Variants in ZNF385B observed in about 807,000 individuals in gnomAD.
The protein encoded by ZNF385B is zinc finger protein 385B, also known as zinc finger protein 533.
Under a neutral mutation model 39.2 loss-of-function variants are expected in ZNF385B, and 23 were observed. The observed-to-expected ratio is 0.59, with a 90% confidence interval of 0.42 to 0.83. ZNF385B has a LOEUF of 0.83. ZNF385B is among the 40% of genes least tolerant of loss of function. The pLI is 0.00. For synonymous variants in ZNF385B, 205 were observed against 222.6 expected, an observed-to-expected ratio of 0.92 and a Z score of 0.70; for missense variants, 552 against 598.9, an observed-to-expected ratio of 0.92 and a Z score of 0.82.
Position 179,861,559 on chromosome 2 carries a change from G to A in ZNF385B, c.-613C>T, listed in dbSNP as rs776943689. The A allele has an allele frequency of 1.3e-5, 2 of 152,194 alleles. No individual in the cohort carries two copies. Among genetic ancestry groups the A allele is most frequent in the Non-Finnish European group, 2.9e-5 (2 of 68,056 alleles). The allele number at this position is 152,194 out of a possible 1,614,324, so 9.4% of individuals were successfully genotyped here. A position where few individuals can be genotyped will look rare whatever the true frequency, so the allele number is the denominator to read the frequency against. ...GACGGTTTACTAAGCAGAGACTTGC[G>A]AGGCACACAGAGAGGGAATGAGGCG... On this transcript the variant is annotated 5_prime_UTR_variant, in exon 1 of 10. Coordinates refer to ENST00000410066, the MANE Select transcript of ZNF385B (RefSeq NM_152520.6).
At chr2:179,555,590 C>T (rs1337514422) in intron 3 of ZNF385B, among the ~76,000 whole-genome samples, 1 of 149,504 alleles carries the variant, frequency 6.7e-6, no homozygotes, top group Non-Finnish European at 1.5e-5. Context: ...TCTTCAAATA[C>T]TGTCAAGTTT....
chr2:179,443,520 C>T, intron 9 of ZNF385B, 52 bp from the exon 10 acceptor site: 2 of 1,350,388 alleles, frequency 1.5e-6, no homozygotes, highest in South Asian at 2.5e-5. Flanking sequence ...TTTTGAATAA[C>T]AGCACCACAG....
intron 1 of ZNF385B, among the ~76,000 whole-genome samples, chr2:179,828,276 A>G (rs1559230673): frequency 6.6e-6 from 1 of 152,154 alleles, no homozygotes; most frequent in Non-Finnish European, 1.5e-5. Context: ...AGTGTGAGAT[A>G]ATGATATGTG....
At chr2:179,852,303 G>A (rs1684241392) in intron 1 of ZNF385B, among the ~76,000 whole-genome samples, 1 of 152,196 alleles carries the variant, frequency 6.6e-6, no homozygotes, top group Non-Finnish European at 1.5e-5. Context: ...TGCAAGGGGA[G>A]AGACACTGCT....
intron 1 of ZNF385B, among the ~76,000 whole-genome samples, chr2:179,774,892 T>A (rs1704223388): frequency 6.6e-6 from 1 of 152,228 alleles, no homozygotes; most frequent in Non-Finnish European, 1.5e-5. Context: ...CCATGTGACA[T>A]TAGCCCTTTC....
At chr2:179,481,386 C>CT (rs35443375) in intron 6 of ZNF385B, among the ~76,000 whole-genome samples, 39,607 of 148,798 alleles carry the variant, frequency 0.27, 5,468 homozygotes, top group East Asian at 0.44. Context: ...TCATCTTTGA[C>CT]TTTTTTTTTT....
chr2:179,819,962 T>TA (rs1559224169), intron 1 of ZNF385B, among the ~76,000 whole-genome samples: 1 of 152,146 alleles, frequency 6.6e-6, no homozygotes, highest in Admixed American at 6.5e-5. Context: ...TAGCACATTT[T>TA]AAAAAAATGT....
chr2:179,590,352 A>G (rs1687449968), intron 3 of ZNF385B, among the ~76,000 whole-genome samples: 1 of 152,206 alleles, frequency 6.6e-6, no homozygotes. Context: ...CAATGTATAC[A>G]TGGGGTTTAA....
At chr2:179,569,089 A>G (rs141128928) in intron 3 of ZNF385B, among the ~76,000 whole-genome samples, 205 of 152,292 alleles carry the variant, frequency 1.3e-3, no homozygotes, top group African/African-American at 4.8e-3. Context: ...ACTTGCTATT[A>G]CCTGCATTCT....
At chr2:179,502,661 C>A (rs1321270806) in intron 5 of ZNF385B, among the ~76,000 whole-genome samples, 1 of 152,116 alleles carries the variant, frequency 6.6e-6, no homozygotes, top group Non-Finnish European at 1.5e-5. Context: ...TTGATTAATT[C>A]TCTTTTCTTC....
Position 179,694,995 on chromosome 2 carries a change from AAAG to A in ZNF385B, c.298+74505_298+74507del, listed in dbSNP as rs200117014. Among the ~76,000 whole-genome samples, 1,109 of 149,908 alleles carry A rather than the reference AAAG, an allele frequency of 7.4e-3. 4 individuals carry two copies. Among genetic ancestry groups the A allele is most frequent in the Non-Finnish European group, 0.012 (827 of 67,292 alleles). The stretch of plus-strand genomic sequence containing the variant: ...AGGAGGAGGAGGAGGAGGAGAAGAA[AAAG>A]AAGAAGGAGGACGTCTGTGAGCTTT... On this transcript the variant is annotated intron_variant, in intron 3 of 9. Coordinates refer to ENST00000410066, the MANE Select transcript of ZNF385B (RefSeq NM_152520.6).
chr2:179,631,772 C>T (rs985887854), intron 3 of ZNF385B, among the ~76,000 whole-genome samples: 1 of 152,044 alleles, frequency 6.6e-6, no homozygotes, highest in Non-Finnish European at 1.5e-5. Flanking sequence ...ATTCAGGAGA[C>T]CCAGCTCATG....
At chr2:179,572,778 G>A (rs1167920695) in intron 3 of ZNF385B, among the ~76,000 whole-genome samples, 1 of 152,092 alleles carries the variant, frequency 6.6e-6, no homozygotes, top group Admixed American at 6.6e-5. Flanking sequence ...CTACCACAAA[G>A]ACTGAGGTTG....
chr2:179,473,635 T>C (rs2053068918), intron 6 of ZNF385B, among the ~76,000 whole-genome samples: 1 of 152,176 alleles, frequency 6.6e-6, no homozygotes, highest in South Asian at 2.1e-4. Flanking sequence ...CAACCCATCA[T>C]CTACATTAGA....
At chr2:179,701,043 A>T (rs1464502853) in intron 3 of ZNF385B, among the ~76,000 whole-genome samples, 1 of 152,100 alleles carries the variant, frequency 6.6e-6, no homozygotes, top group East Asian at 1.9e-4. Flanking sequence ...AAAACAAAAC[A>T]AAAAAACACT....
At chr2:179,721,543 T>C (rs1296402987) in intron 3 of ZNF385B, among the ~76,000 whole-genome samples, 3 of 152,106 alleles carry the variant, frequency 2.0e-5, no homozygotes, top group East Asian at 1.9e-4. Context: ...TTCTTCCTCA[T>C]AACAGGTTGA....
intron 3 of ZNF385B, among the ~76,000 whole-genome samples, chr2:179,635,760 A>C (rs1691696731): frequency 6.6e-6 from 1 of 152,018 alleles, no homozygotes; most frequent in Non-Finnish European, 1.5e-5. Flanking sequence ...TCCCCTTTTC[A>C]TATTGTAATA....
intron 5 of ZNF385B, among the ~76,000 whole-genome samples, chr2:179,516,944 T>A (rs1184181559): frequency 2.0e-5 from 3 of 151,900 alleles, no homozygotes; most frequent in Admixed American, 2.0e-4. Flanking sequence ...AGTCAAGGCG[T>A]TTTTTGAATT....
At chr2:179,836,322 G>A (rs773095795) in intron 1 of ZNF385B, among the ~76,000 whole-genome samples, 11 of 152,214 alleles carry the variant, frequency 7.2e-5, no homozygotes, top group African/African-American at 1.2e-4. Flanking sequence ...AACACCTGTG[G>A]ACTTCATAGA....
Sources: gnomAD v4.1 joint callset for allele counts (sites outside exome capture counted in the v4.1 genomes callset) on GRCh38, gnomAD v4.1.1 for gene constraint, MANE v1.5 for transcripts, NCBI Gene and HGNC (gene_info 2026-07-23, HGNC 2026-07-21) for gene names.